NCAM1: variants seen among roughly 807,000 people sequenced by gnomAD.
NCAM1 encodes the protein antigen recognized by monoclonal antibody 5.1H11.
Under a neutral mutation model 109.8 loss-of-function variants are expected in NCAM1, and 14 were observed. The ratio of observed to expected loss-of-function variants is 0.13; its 90% CI spans 0.08 to 0.20. The LOEUF (loss-of-function observed/expected upper bound fraction) is 0.20. Among genes scored for constraint, NCAM1 ranks in the 10% least tolerant of loss-of-function variants. The pLI is 1.00. For synonymous variants in NCAM1, 418 were observed against 442.9 expected, an observed-to-expected ratio of 0.94 and a Z score of 0.70; for missense variants, 774 against 1,109.9, an observed-to-expected ratio of 0.70 and a Z score of 4.30.
At chr11:113,239,598 C>T (rs896931420) in intron 14 of NCAM1, among the ~76,000 whole-genome samples, 11 of 151,374 alleles carry the variant, frequency 7.3e-5, no homozygotes, top group South Asian at 2.1e-4. Context: ...CTCCGCCTCC[C>T]GGGTTCACGC....
chr11:113,037,206 TTA>T (rs1204331547), intron 1 of NCAM1, among the ~76,000 whole-genome samples: 1 of 152,180 alleles, frequency 6.6e-6, no homozygotes, highest in Non-Finnish European at 1.5e-5. Flanking sequence ...TTAGTCCTCA[TTA>T]TAATTTAGAG....
At chr11:113,242,926 T>C in intron 14 of NCAM1, 1 of 1,608,190 alleles carries the variant, frequency 6.2e-7, no homozygotes. Flanking sequence ...CAGCGCTGCC[T>C]GTTGTTTTCC....
intron 1 of NCAM1, among the ~76,000 whole-genome samples, chr11:113,065,838 A>T (rs1937926066): frequency 6.6e-6 from 1 of 152,234 alleles, no homozygotes; most frequent in South Asian, 2.1e-4. Flanking sequence ...CTGCATCAAT[A>T]TTGGTTCATT....
chr11:113,017,430 A>G (rs1952237412), intron 1 of NCAM1, among the ~76,000 whole-genome samples: 1 of 152,300 alleles, frequency 6.6e-6, no homozygotes, highest in South Asian at 2.1e-4. Flanking sequence ...GAACCAGTAG[A>G]AATAGTGCAA....
At chr11:112,965,858 G>A (rs1377582156) in intron 1 of NCAM1, among the ~76,000 whole-genome samples, 2 of 152,106 alleles carry the variant, frequency 1.3e-5, no homozygotes, top group East Asian at 3.9e-4. Flanking sequence ...TAAAGAACGG[G>A]TTGCACTTTT....
At chr11:113,221,183 T>C in intron 8 of NCAM1, 113 bp from the exon 9 acceptor site, 1 of 1,080,988 alleles carries the variant, frequency 9.3e-7, no homozygotes, top group Non-Finnish European at 1.3e-6. Flanking sequence ...GAAAAAGTTC[T>C]GAATTAAAGA....
At chr11:113,141,953 C>A (rs1167462222) in intron 1 of NCAM1, among the ~76,000 whole-genome samples, 1 of 152,130 alleles carries the variant, frequency 6.6e-6, no homozygotes. Context: ...TGACATCGAT[C>A]CATTTATCAA....
intron 15 of NCAM1, among the ~76,000 whole-genome samples, chr11:113,253,516 A>G (rs1404344329): frequency 6.6e-6 from 1 of 152,150 alleles, no homozygotes; most frequent in Non-Finnish European, 1.5e-5. Flanking sequence ...ATATTTTGTA[A>G]ATGTGGAATG....
chr11:113,140,641 A>G (rs1317710808), intron 1 of NCAM1, among the ~76,000 whole-genome samples: 1 of 152,064 alleles, frequency 6.6e-6, no homozygotes, highest in African/African-American at 2.4e-5. Context: ...AATCTTGTTT[A>G]TGTTTCATTA....
At chr11:113,213,617 C>A (rs575985898) in intron 7 of NCAM1, among the ~76,000 whole-genome samples, 1 of 152,234 alleles carries the variant, frequency 6.6e-6, no homozygotes, top group South Asian at 2.1e-4. Context: ...TTCTTCTCAC[C>A]CCTCCTTGCC....
chr11:113,264,150 C>A, intron 17 of NCAM1: 3 of 985,072 alleles, frequency 3.0e-6, no homozygotes, highest in Non-Finnish European at 3.6e-6. Flanking sequence ...CCTCCCTCCC[C>A]CCATTGTGGT....
intron 1 of NCAM1, among the ~76,000 whole-genome samples, chr11:112,961,948 G>A (rs1181470099): frequency 6.6e-6 from 1 of 152,036 alleles, no homozygotes; most frequent in African/African-American, 2.4e-5. Flanking sequence ...GAGCAGAGCC[G>A]GCCGGCTCCT....
intron 1 of NCAM1, among the ~76,000 whole-genome samples, chr11:112,975,833 G>T (rs901522407): frequency 9.9e-5 from 15 of 151,964 alleles, no homozygotes; most frequent in Non-Finnish European, 2.1e-4. Context: ...CTTATAAAAA[G>T]AATATTTTTA....
chr11:113,158,688 C>A (rs1431021606), intron 1 of NCAM1, among the ~76,000 whole-genome samples: 1 of 152,186 alleles, frequency 6.6e-6, no homozygotes. Flanking sequence ...CCCAGGGGCA[C>A]AGCTCAGATA....
At chr11:113,269,441 A>G (rs1350268879) in intron 17 of NCAM1, 3 of 152,426 alleles carry the variant, frequency 2.0e-5, no homozygotes, top group African/African-American at 7.3e-5. Flanking sequence ...GTGAGTCTGC[A>G]CTCACTTCAG....
chr11:113,094,685 A>G (rs1444385575), intron 1 of NCAM1, among the ~76,000 whole-genome samples: 1 of 152,016 alleles, frequency 6.6e-6, no homozygotes, highest in African/African-American at 2.4e-5. Context: ...TCTGGGGTCT[A>G]TTTTTCAGGC....
At position 113,274,281 on chromosome 11, in the gene NCAM1, C is replaced by T. The variant is rs1255501208; in HGVS notation, c.2457-986C>T. On this transcript the variant is annotated intron_variant, in intron 19 of 19. Transcript: ENST00000316851. This position sits in a 1 kb window ranked among gnomAD's most constrained non-coding sequence, Gnocchi z 4.1. ...CGGCCCCCAGCCCACTCTTGCTTCT[C>T]CTGCTCTTAGAGTGGCTGGGAAGAC... Among the ~76,000 whole-genome samples, 3 of 152,214 alleles carry T rather than the reference C, an allele frequency of 2.0e-5. No individual in the cohort carries two copies. Among genetic ancestry groups the T allele is most frequent in the African/African-American group, 4.8e-5 (2 of 41,460 alleles).
intron 1 of NCAM1, among the ~76,000 whole-genome samples, chr11:113,201,171 C>A (rs1404122276): frequency 1.3e-5 from 2 of 152,150 alleles, no homozygotes; most frequent in African/African-American, 4.8e-5. Flanking sequence ...GGCCGCACCC[C>A]CTTCCCAGCC....
intron 1 of NCAM1, among the ~76,000 whole-genome samples, chr11:113,000,990 T>C (rs1555072351): frequency 6.6e-6 from 1 of 152,080 alleles, no homozygotes; most frequent in African/African-American, 2.4e-5. Flanking sequence ...TGTTTCCATG[T>C]CTTCAATGTA....
Sources: gnomAD v4.1 joint callset for allele counts (sites outside exome capture counted in the v4.1 genomes callset) on GRCh38, gnomAD v4.1.1 for gene constraint, Gnocchi (gnomAD v3.1) non-coding constraint, MANE v1.5 for transcripts, NCBI Gene and HGNC (gene_info 2026-07-23, HGNC 2026-07-21) for gene names.